The following AK3 variants were observed in gnomAD, a reference collection of about 807,000 sequenced individuals.
AK3 encodes the protein adenylate kinase 3, also known as GTP:AMP phosphotransferase AK3, mitochondrial.
Under a neutral mutation model 23.7 loss-of-function variants are expected in AK3, and 27 were observed. That is an observed-to-expected ratio of 1.14 (90% CI 0.84 to 1.57). AK3 has a LOEUF of 1.57. Ranked by LOEUF, AK3 falls within the 40% of genes most tolerant of loss-of-function variation. The pLI is 0.00. For missense variants in AK3, 406 were observed against 285.6 expected (o/e 1.42, Z -3.04); for synonymous variants, 159 against 116.0 (o/e 1.37, Z -2.38).
rs184342788 is a variant in AK3, at chr9:4,713,240, C to G, written c.564-144G>C. ...TTTGTGTAATCAGGAGAGAAAGGCA[C>G]TTGGCTGGGCATTGGAAAATGTACA... On this transcript the variant is annotated intron_variant, in intron 4 of 4. Transcript: ENST00000381809. 1.3e-3 allele frequency: 1,388 copies of G among 1,097,376 alleles called. 4 individuals carry two copies. The highest frequency in any genetic ancestry group is 1.0e-3 in the Non-Finnish European group (830 of 805,438). 68.0% of individuals were successfully genotyped at this position (1,097,376 alleles called of 1,614,324 possible).
intron 4 of AK3, among the ~76,000 whole-genome samples, chr9:4,714,300 G>C (rs775598925): frequency 2.7e-5 from 4 of 150,476 alleles, no homozygotes; most frequent in Non-Finnish European, 4.4e-5. Flanking sequence ...GTGAAAAGAG[G>C]ATTCCTTATA....
At chr9:4,729,833 T>TA (rs55934908) in intron 1 of AK3, among the ~76,000 whole-genome samples, 40,512 of 132,564 alleles carry the variant, frequency 0.31, 6,797 homozygotes, top group Non-Finnish European at 0.38. Flanking sequence ...CTGTGTCTCT[T>TA]AAAAAAAAAA....
intron 2 of AK3, among the ~76,000 whole-genome samples, chr9:4,721,136 C>G (rs1266072576): frequency 1.3e-5 from 2 of 152,174 alleles, no homozygotes; most frequent in Non-Finnish European, 2.9e-5. Flanking sequence ...GGTGCGATGG[C>G]TCATACTTGC....
chr9:4,728,683 T>C (rs1342625481), intron 1 of AK3, among the ~76,000 whole-genome samples: 2 of 151,430 alleles, frequency 1.3e-5, no homozygotes, highest in African/African-American at 2.4e-5. Context: ...AACAGTGTGG[T>C]AGTTTTTTTA....
At chr9:4,720,878 G>A (rs1841878232) in intron 2 of AK3, among the ~76,000 whole-genome samples, 1 of 152,128 alleles carries the variant, frequency 6.6e-6, no homozygotes, top group South Asian at 2.1e-4. Context: ...CTGGATTCGG[G>A]AGAAATAATG....
At chr9:4,727,046 G>A (rs1842036816) in intron 1 of AK3, among the ~76,000 whole-genome samples, 1 of 152,146 alleles carries the variant, frequency 6.6e-6, no homozygotes, top group South Asian at 2.1e-4. Flanking sequence ...GTTCTCAACA[G>A]TGGGCTTCAA....
intron 4 of AK3, among the ~76,000 whole-genome samples, chr9:4,717,647 C>A (rs1383715796): frequency 6.6e-6 from 1 of 152,150 alleles, no homozygotes; most frequent in South Asian, 2.1e-4. Flanking sequence ...AGAAATTGTA[C>A]CTCGAGCACC....
chr9:4,740,106 G>C (rs1017170567), intron 1 of AK3, among the ~76,000 whole-genome samples: 2 of 150,584 alleles, frequency 1.3e-5, no homozygotes, highest in African/African-American at 2.4e-5. Flanking sequence ...AAGGCCTTGT[G>C]GAAGCATTAT....
Position 4,735,026 on chromosome 9 carries a change from C to G in AK3, c.151+5911G>C, listed in dbSNP as rs886944201. Among the ~76,000 whole-genome samples the G allele has an allele frequency of 4.6e-5, 7 of 151,356 alleles. 1 individual carries two copies. The highest frequency in any genetic ancestry group is 1.7e-4 in the African/African-American group (7 of 40,944). On this transcript the variant is annotated intron_variant, in intron 1 of 4. Transcript: ENST00000381809. The stretch of plus-strand genomic sequence containing the variant: ...GGGTGTGGGGTAGGAACAGAAGTGA[C>G]GGCTAATAGGTATGAAGTTTCTTTT...
chr9:4,733,931 C>A (rs1225575036), intron 1 of AK3, among the ~76,000 whole-genome samples: 1 of 152,222 alleles, frequency 6.6e-6, no homozygotes, highest in Non-Finnish European at 1.5e-5. Flanking sequence ...TGGAAGCTCC[C>A]CCTCTGGACT....
chr9:4,713,240 C>T, intron 4 of AK3, 144 bp from the exon 5 acceptor site: 2 of 1,097,398 alleles, frequency 1.8e-6, no homozygotes, highest in Non-Finnish European at 2.5e-6. Flanking sequence ...GAGAAAGGCA[C>T]TTGGCTGGGC....
intron 1 of AK3, among the ~76,000 whole-genome samples, chr9:4,727,647 T>G (rs1042303895): frequency 3.9e-5 from 6 of 152,144 alleles, no homozygotes; most frequent in African/African-American, 1.4e-4. Context: ...AACAAGGTTG[T>G]TTTGCTTTCT....
chr9:4,726,749 C>A (rs1291576100), intron 1 of AK3, among the ~76,000 whole-genome samples: 2 of 151,032 alleles, frequency 1.3e-5, no homozygotes, highest in Non-Finnish European at 2.9e-5. Context: ...TTCCTGGCAT[C>A]TAGAATGGCG....
rs979242238 is a variant in AK3 at position 4,722,642 on chromosome 9, A to G, written c.152-17T>C. 9 of 1,613,352 alleles carry G rather than the reference A, an allele frequency of 5.6e-6. No homozygotes were observed. The highest frequency in any genetic ancestry group is 4.0e-5 in the African/African-American group (3 of 74,888). ...CGCCAATTTCTACAGCAAAGCGGGG[A>G]AAAAAATCAGTAAGTGCATTTGTTT... On this transcript the variant is annotated splice_polypyrimidine_tract_variant and intron_variant, in intron 1 of 4. Transcript: ENST00000381809.
rs748592220 is a variant in AK3 at position 4,719,329 on chromosome 9, A to T, written c.272-22T>A. 7 of 1,501,630 alleles carry T rather than the reference A, an allele frequency of 4.7e-6. No homozygotes were observed. The South Asian group carries it at 8.3e-5, about 18-fold the overall frequency. The allele number at this position is 1,501,630 out of a possible 1,614,324, so 93.0% of individuals were successfully genotyped here. On this transcript the variant is annotated intron_variant, in intron 2 of 4. Coordinates refer to ENST00000381809, the MANE Select transcript of AK3 (RefSeq NM_016282.4). The stretch of plus-strand genomic sequence containing the variant: ...AAACCTTTATAAAGTAAAAAAGAAA[A>T]AGAAGAAGAAAAAAGAAAGGAAGTA...
At chr9:4,716,363 A>G (rs1454205926) in intron 4 of AK3, among the ~76,000 whole-genome samples, 1 of 152,216 alleles carries the variant, frequency 6.6e-6, no homozygotes, top group Non-Finnish European at 1.5e-5. Flanking sequence ...ATAATTGCTG[A>G]CAATGAATGA....
chr9:4,733,334 A>T (rs956532231), intron 1 of AK3, among the ~76,000 whole-genome samples: 2 of 34,242 alleles, frequency 5.8e-5, no homozygotes, highest in South Asian at 1.3e-3. Context: ...CAAGGGCTTT[A>T]AAAAAAAACC....
At position 4,714,787 on chromosome 9, in the gene AK3, GT is replaced by G. The variant is rs554219042; in HGVS notation, c.564-1692del. Among the ~76,000 whole-genome samples the G allele has an allele frequency of 1.1e-3, 169 of 152,076 alleles. 2 individuals carry two copies. The highest frequency in any genetic ancestry group is 3.9e-3 in the African/African-American group (160 of 41,492). On this transcript the variant is annotated intron_variant, in intron 4 of 4. Transcript: ENST00000381809. Reference sequence around the variant, plus strand: ...CTCTATAATGTCCCACAGCTAAAAGGTTTTTTTTAAAACAACCAACAATACA... The same window carrying G: ...CTCTATAATGTCCCACAGCTAAAAGGTTTTTTTAAAACAACCAACAATACA...
intron 1 of AK3, among the ~76,000 whole-genome samples, chr9:4,729,012 TATA>T (rs1563793482): frequency 1.9e-5 from 2 of 107,764 alleles, no homozygotes; most frequent in East Asian, 5.9e-4. Context: ...TATATATATA[TATA>T]TTTTTTTTTT....
Sources: allele counts gnomAD v4.1 joint callset (sites outside exome capture counted in the v4.1 genomes callset), GRCh38; gene constraint gnomAD v4.1.1; transcripts MANE v1.5; gene names NCBI Gene and HGNC (gene_info 2026-07-23, HGNC 2026-07-21).